Variants in CTDSPL observed in about 807,000 individuals in gnomAD.
CTDSPL encodes CTD small phosphatase like.
CTDSPL carries 8 observed loss-of-function variants against 30.5 expected under a neutral mutation model. The ratio of observed to expected loss-of-function variants is 0.26; its 90% CI spans 0.15 to 0.47. The LOEUF is 0.47. CTDSPL is among the 20% of genes least tolerant of loss of function. The pLI is 0.99. For missense variants in CTDSPL, 248 were observed against 366.1 expected (o/e 0.68, Z 2.63); for synonymous variants, 110 against 137.9 (o/e 0.80, Z 1.42).
In CTDSPL at chr3:37,948,019, C is replaced by A. The variant is rs145415270; in HGVS notation, c.234+808C>A. ...AAGGATGAGGCCAGGCATGGTGGCT[C>A]ACGCCTGTAATCCCAGCACTTTGGG... On this transcript the variant is annotated intron_variant, in intron 2 of 7. Transcript: ENST00000273179. 4.4e-3 allele frequency among the ~76,000 whole-genome samples: 669 copies of A among 152,222 alleles called. 9 individuals are homozygous for A. Among genetic ancestry groups the A allele is most frequent in the African/African-American group, 0.016 (650 of 41,548 alleles).
At position 37,981,709 on chromosome 3, in the gene CTDSPL, C is replaced by T. The variant is rs1699494277; in HGVS notation, c.*842C>T. 2.5e-6 allele frequency: 1 copy of T among 400,334 alleles called. No individual in the cohort carries two copies. Among genetic ancestry groups the T allele is most frequent in the African/African-American group, 2.1e-5 (1 of 48,434 alleles). The allele number at this position is 400,334 out of a possible 1,614,324, so 24.8% of individuals were successfully genotyped here. On this transcript the variant is annotated 3_prime_UTR_variant, in exon 8 of 8. Transcript: ENST00000273179. ...GTCACTTCTGCTCTCACACTACTGCCATACATTTGTGTTTTTTGTTGTTAT... is the reference window on the plus strand; with the variant it reads ...GTCACTTCTGCTCTCACACTACTGCTATACATTTGTGTTTTTTGTTGTTAT...
At chr3:37,880,009 C>T (rs1421344485) in intron 1 of CTDSPL, among the ~76,000 whole-genome samples, 2 of 151,180 alleles carry the variant, frequency 1.3e-5, no homozygotes, top group Non-Finnish European at 2.9e-5. Context: ...TGAATAAGAC[C>T]TTGCCGTTGT....
intron 3 of CTDSPL, among the ~76,000 whole-genome samples, chr3:37,960,480 CAAAAAAAAAA>C (rs1208033395): frequency 4.1e-3 from 20 of 4,892 alleles, no homozygotes; most frequent in South Asian, 0.033. Context: ...AACTCTGTCT[CAAAAAAAAAA>C]AAAAAAAAAA....
intron 1 of CTDSPL, among the ~76,000 whole-genome samples, chr3:37,900,798 A>T (rs1007959832): frequency 6.6e-6 from 1 of 151,238 alleles, no homozygotes; most frequent in Non-Finnish European, 1.5e-5. Flanking sequence ...ACTTATTTTT[A>T]TTATTATTAT....
At chr3:37,954,056 A>G (rs1418691264) in intron 2 of CTDSPL, among the ~76,000 whole-genome samples, 2 of 152,216 alleles carry the variant, frequency 1.3e-5, no homozygotes, top group Non-Finnish European at 2.9e-5. Context: ...CTGGGACAAA[A>G]AATGTCAAAG....
chr3:37,918,913 T>C (rs1020013210), intron 1 of CTDSPL, among the ~76,000 whole-genome samples: 2 of 152,120 alleles, frequency 1.3e-5, no homozygotes, highest in Non-Finnish European at 2.9e-5. Context: ...CTAAGGGACA[T>C]TGTGGGGAGC....
At chr3:37,929,753 A>G (rs963674730) in intron 1 of CTDSPL, among the ~76,000 whole-genome samples, 29 of 152,132 alleles carry the variant, frequency 1.9e-4, no homozygotes, top group Admixed American at 6.6e-4. Flanking sequence ...TCTGATTTGT[A>G]TGCCTTTTAT....
chr3:37,907,116 A>G (rs73058911), intron 1 of CTDSPL, among the ~76,000 whole-genome samples: 4,264 of 152,258 alleles, frequency 0.028, 75 homozygotes, highest in Middle Eastern at 0.044. Context: ...GCTGAGACAT[A>G]TATGGCTCTT....
chr3:37,947,350 G>A lies in CTDSPL; in HGVS notation c.234+139G>A, dbSNP rs1312042058. ...GTCTGTAATATCAGCACTGAGGTCA[G>A]GAGTTTGAGACCAGCCTGGCCAATA... On this transcript the variant is annotated intron_variant, in intron 2 of 7. Transcript: ENST00000273179. 5 of 966,236 alleles carry A rather than the reference G, an allele frequency of 5.2e-6. No individual in the cohort carries two copies. In the East Asian group the frequency reaches 8.1e-5, roughly 16 times the overall value. 59.9% of individuals were successfully genotyped at this position (966,236 alleles called of 1,614,324 possible).
intron 1 of CTDSPL, among the ~76,000 whole-genome samples, chr3:37,863,762 G>A (rs538669235): frequency 6.6e-6 from 1 of 152,312 alleles, no homozygotes; most frequent in South Asian, 2.1e-4. Flanking sequence ...GGGCAAGCCC[G>A]TCAGAAAAAC....
At chr3:37,881,486 G>A (rs1199850994) in intron 1 of CTDSPL, among the ~76,000 whole-genome samples, 3 of 152,028 alleles carry the variant, frequency 2.0e-5, no homozygotes, top group East Asian at 1.9e-4. Flanking sequence ...CCAAGATCGC[G>A]CCACTGCACT....
chr3:37,970,582 C>G (rs1219653195), intron 5 of CTDSPL, among the ~76,000 whole-genome samples: 3 of 152,212 alleles, frequency 2.0e-5, no homozygotes, highest in Non-Finnish European at 4.4e-5. Context: ...GCTTTGCCTT[C>G]TCTCCCATCT....
At chr3:37,920,117 T>C (rs2125609714) in intron 1 of CTDSPL, among the ~76,000 whole-genome samples, 1 of 152,188 alleles carries the variant, frequency 6.6e-6, no homozygotes, top group East Asian at 1.9e-4. Context: ...AAAGTCAAGA[T>C]ATTGTCAGGA....
intron 1 of CTDSPL, among the ~76,000 whole-genome samples, chr3:37,882,225 G>A (rs1169027879): frequency 6.6e-6 from 1 of 151,942 alleles, no homozygotes; most frequent in Non-Finnish European, 1.5e-5. Context: ...GGCGGATCAC[G>A]AGGTTAGGAG....
chr3:37,972,246 C>T (rs1430238537), intron 6 of CTDSPL, among the ~76,000 whole-genome samples: 1 of 152,110 alleles, frequency 6.6e-6, no homozygotes, highest in East Asian at 1.9e-4. Flanking sequence ...CCTGTAATCC[C>T]AACACTTTGG....
At chr3:37,925,364 A>G (rs1182973334) in intron 1 of CTDSPL, among the ~76,000 whole-genome samples, 1 of 152,128 alleles carries the variant, frequency 6.6e-6, no homozygotes, top group African/African-American at 2.4e-5. Flanking sequence ...CCCTCCAAGC[A>G]TTGGTTCCTG....
chr3:37,975,683 C>T lies in CTDSPL; in HGVS notation c.520-26C>T, dbSNP rs769105652. On this transcript the variant is annotated intron_variant, in intron 6 of 7. Transcript: ENST00000273179. The surrounding 1 kb of genome is among the most constrained non-coding windows in gnomAD (Gnocchi z 4.9). Reference sequence around the variant, plus strand: ...TTGGGGGGCTCTTTTAAACACCCAGCCTTCATTGTGACACGTCTTTTCCAG... The same window carrying T: ...TTGGGGGGCTCTTTTAAACACCCAGTCTTCATTGTGACACGTCTTTTCCAG... 4 of 1,583,000 alleles carry T rather than the reference C, an allele frequency of 2.5e-6. No individual in the cohort carries two copies. The highest frequency in any genetic ancestry group is 1.7e-5 in the Admixed American group (1 of 57,544).
At chr3:37,898,522 G>A (rs1165063395) in intron 1 of CTDSPL, among the ~76,000 whole-genome samples, 1 of 152,130 alleles carries the variant, frequency 6.6e-6, no homozygotes, top group Non-Finnish European at 1.5e-5. Flanking sequence ...AATATTACTA[G>A]TGCCATCTAT....
intron 1 of CTDSPL, among the ~76,000 whole-genome samples, chr3:37,923,710 C>T (rs1698746906): frequency 6.6e-6 from 1 of 151,888 alleles, no homozygotes; most frequent in African/African-American, 2.4e-5. Context: ...TCAGCAATGA[C>T]ATTTTAACGT....
Sources: gnomAD v4.1 joint callset for allele counts (sites outside exome capture counted in the v4.1 genomes callset) on GRCh38, gnomAD v4.1.1 for gene constraint, Gnocchi (gnomAD v3.1) non-coding constraint, MANE v1.5 for transcripts, NCBI Gene and HGNC (gene_info 2026-07-23, HGNC 2026-07-21) for gene names.